Variants in WWOX observed in about 807,000 individuals in gnomAD.
WWOX encodes WW domain-containing oxidoreductase.
A neutral mutation model predicts 46.2 loss-of-function variants in WWOX; 69 were observed. That is an observed-to-expected ratio of 1.49 (90% confidence interval 1.23 to 1.82). WWOX has a LOEUF of 1.82. Among genes scored for constraint, WWOX ranks in the 40% most tolerant of loss-of-function variants. The probability of loss-of-function intolerance (pLI) is 0.00; values close to 1 mark genes in which losing one functional copy is unlikely to be tolerated. For synonymous variants in WWOX, 359 were observed against 202.6 expected, an observed-to-expected ratio of 1.77 and a Z score of -6.56; for missense variants, 919 against 542.6, an observed-to-expected ratio of 1.69 and a Z score of -6.89.
At chr16:79,085,305 G>A (rs1196421207) in intron 8 of WWOX, among the ~76,000 whole-genome samples, 1 of 152,148 alleles carries the variant, frequency 6.6e-6, no homozygotes, top group South Asian at 2.1e-4. Context: ...AGGAGCTACT[G>A]TCTAGGTTAT....
intron 8 of WWOX, among the ~76,000 whole-genome samples, chr16:78,847,724 G>C (rs1187917872): frequency 2.0e-5 from 3 of 151,902 alleles, no homozygotes; most frequent in African/African-American, 7.3e-5. Flanking sequence ...ACAACTAAAG[G>C]CTAGGATTTG....
chr16:78,387,551 C>T (rs951883729), intron 6 of WWOX, among the ~76,000 whole-genome samples: 6 of 151,788 alleles, frequency 4.0e-5, no homozygotes, highest in African/African-American at 1.5e-4. Flanking sequence ...CCCTTTCTAA[C>T]AGAGAAGGTT....
intron 4 of WWOX, among the ~76,000 whole-genome samples, chr16:78,129,709 CTT>C (rs930761409): frequency 7.0e-6 from 1 of 143,170 alleles, no homozygotes; most frequent in Non-Finnish European, 1.5e-5. Flanking sequence ...GATTTTTTTT[CTT>C]TTTTTTTTTG....
chr16:78,439,570 G>C (rs756839369), intron 8 of WWOX, among the ~76,000 whole-genome samples: 2 of 152,204 alleles, frequency 1.3e-5, no homozygotes, highest in Non-Finnish European at 2.9e-5. Context: ...AAGGGCAAAG[G>C]ATTTAGAATC....
chr16:78,918,056 G>T (rs1031463262), intron 8 of WWOX, among the ~76,000 whole-genome samples: 1 of 151,970 alleles, frequency 6.6e-6, no homozygotes, highest in African/African-American at 2.4e-5. Context: ...TTTAAAATTA[G>T]CCAGGCGTGG....
intron 8 of WWOX, among the ~76,000 whole-genome samples, chr16:78,591,372 T>G (rs112380391): frequency 6.6e-6 from 1 of 152,174 alleles, no homozygotes; most frequent in Non-Finnish European, 1.5e-5. Flanking sequence ...ATTGGGTGTT[T>G]AGGCCATGGA....
chr16:78,587,517 C>A (rs996161006), intron 8 of WWOX, among the ~76,000 whole-genome samples: 1 of 152,036 alleles, frequency 6.6e-6, no homozygotes, highest in African/African-American at 2.4e-5. Context: ...TATTGATTAT[C>A]CTGAAAACAA....
intron 4 of WWOX, among the ~76,000 whole-genome samples, chr16:78,145,732 A>G (rs1440813803): frequency 1.3e-5 from 2 of 152,146 alleles, no homozygotes; most frequent in Admixed American, 1.3e-4. Flanking sequence ...GTGTTCACAT[A>G]GTCTCCTCAC....
intron 8 of WWOX, among the ~76,000 whole-genome samples, chr16:78,483,037 C>G (rs1385784449): frequency 6.6e-6 from 1 of 152,072 alleles, no homozygotes; most frequent in African/African-American, 2.4e-5. Flanking sequence ...TGGAAGGGGT[C>G]CCTAGACATG....
At chr16:78,223,317 C>A (rs1009416785) in intron 5 of WWOX, among the ~76,000 whole-genome samples, 11 of 152,138 alleles carry the variant, frequency 7.2e-5, no homozygotes, top group Non-Finnish European at 8.8e-5. Flanking sequence ...TGCACAGGCG[C>A]ATCCTACAAC....
chr16:78,278,736 T>C, intron 5 of WWOX: 1 of 1,340,722 alleles, frequency 7.5e-7, no homozygotes, highest in Non-Finnish European at 1.0e-6. Flanking sequence ...GGTCTTTTCA[T>C]GTTTTGACTT....
At chr16:78,402,080 G>T (rs75376533) in intron 6 of WWOX, among the ~76,000 whole-genome samples, 2 of 152,148 alleles carry the variant, frequency 1.3e-5, no homozygotes, top group Non-Finnish European at 2.9e-5. Context: ...CTTTTGAATT[G>T]CAGAACAATT....
chr16:78,560,967 A>G (rs894714345), intron 8 of WWOX, among the ~76,000 whole-genome samples: 1 of 152,194 alleles, frequency 6.6e-6, no homozygotes, highest in African/African-American at 2.4e-5. Context: ...CCTAGACACA[A>G]TGTGACTGGC....
At chr16:78,184,103 A>G in intron 5 of WWOX, among the ~76,000 whole-genome samples, 1 of 152,106 alleles carries the variant, frequency 6.6e-6, no homozygotes, top group South Asian at 2.1e-4. Flanking sequence ...GCTCACGGTA[A>G]TGCTTCCTTC....
At chr16:78,586,834 C>T (rs1333014775) in intron 8 of WWOX, among the ~76,000 whole-genome samples, 1 of 152,072 alleles carries the variant, frequency 6.6e-6, no homozygotes, top group East Asian at 1.9e-4. Context: ...TAATTTCAGA[C>T]TCAGGTTTGT....
At chr16:78,790,813 G>A (rs1170442462) in intron 8 of WWOX, among the ~76,000 whole-genome samples, 2 of 151,878 alleles carry the variant, frequency 1.3e-5, no homozygotes, top group East Asian at 1.9e-4. Context: ...TAAGCCTAGG[G>A]TTGAAGACCA....
chr16:78,728,059 T>C (rs200425053), intron 8 of WWOX, among the ~76,000 whole-genome samples: 359 of 51,412 alleles, frequency 7.0e-3, no homozygotes, highest in Admixed American at 9.8e-3. Flanking sequence ...TCCTTCCTTT[T>C]TTTTTTTTTT....
intron 8 of WWOX, among the ~76,000 whole-genome samples, chr16:78,501,553 T>C (rs1458219610): frequency 2.6e-5 from 4 of 151,856 alleles, no homozygotes; most frequent in African/African-American, 4.8e-5. Flanking sequence ...TTTTTTTTTT[T>C]TGAGATGGAG....
intron 8 of WWOX, among the ~76,000 whole-genome samples, chr16:79,122,916 G>A (rs529976626): frequency 6.6e-6 from 1 of 152,302 alleles, no homozygotes; most frequent in South Asian, 2.1e-4. Flanking sequence ...TTAGGTCTCT[G>A]AGGCAGCAAT....
Sources: gnomAD v4.1 joint callset for allele counts (sites outside exome capture counted in the v4.1 genomes callset) on GRCh38, gnomAD v4.1.1 for gene constraint, MANE v1.5 for transcripts, NCBI Gene and HGNC (gene_info 2026-07-23, HGNC 2026-07-21) for gene names.